SFMBT1: variants seen among roughly 807,000 people sequenced by gnomAD.
The protein encoded by SFMBT1 is scm-like with four MBT domains protein 1.
In SFMBT1, 32 loss-of-function variants were observed where a neutral mutation model predicts 108.7. The ratio of observed to expected loss-of-function variants is 0.29; its 90% confidence interval spans 0.22 to 0.40. The LOEUF (loss-of-function observed/expected upper bound fraction) is 0.40, where lower values mean the gene tolerates loss of function less well. SFMBT1 is among the 10% of genes least tolerant of loss of function. The pLI, the probability that SFMBT1 is intolerant of heterozygous loss-of-function variation, is 1.00. For missense variants in SFMBT1, 816 were observed against 1,059.6 expected (o/e 0.77, Z 3.19); for synonymous variants, 348 against 369.5 (o/e 0.94, Z 0.67).
At chr3:52,910,046 TC>T (rs1216394033) in intron 17 of SFMBT1, among the ~76,000 whole-genome samples, 1 of 152,072 alleles carries the variant, frequency 6.6e-6, no homozygotes, top group East Asian at 1.9e-4. Context: ...GGCTCCTGTT[TC>T]CTTCAAGGTG....
chr3:52,976,132 T>C (rs993490991), intron 1 of SFMBT1, among the ~76,000 whole-genome samples: 1 of 151,336 alleles, frequency 6.6e-6, no homozygotes, highest in Non-Finnish European at 1.5e-5. Context: ...CCAGACACAG[T>C]GGCTCATGCC....
intron 1 of SFMBT1, among the ~76,000 whole-genome samples, chr3:53,008,774 A>T (rs1290897265): frequency 6.6e-6 from 1 of 150,888 alleles, no homozygotes; most frequent in Non-Finnish European, 1.5e-5. Flanking sequence ...AGCTGGGACT[A>T]CAAGGCACCC....
chr3:52,911,212 T>C (rs529888582), intron 16 of SFMBT1, 34 bp from the exon 17 acceptor site: 1 of 1,553,666 alleles, frequency 6.4e-7, no homozygotes, highest in East Asian at 2.2e-5. Context: ...CCAAATATAT[T>C]GGGCTAATGA....
In SFMBT1 at chr3:52,930,982, T is replaced by C. The variant is rs1311282083; in HGVS notation, c.754A>G (p.Lys252Glu). The change falls in exon 7 of 21, where the codon AAA (lysine) becomes GAA (glutamate). Residue 252 changes from lysine (K) to glutamate (E), a missense_variant. Coordinates refer to ENST00000394752, the MANE Select transcript of SFMBT1 (RefSeq NM_016329.4). The part of the protein sequence containing the change: ...AEWQEILAKV[K>E]EEEEEPLPSY... ...GGTAATGGCTCTTCCTCTTCCTCTT[T>C]CACTTTGGCCAAAATCTCTTGCCAC... is the stretch of plus-strand genomic sequence containing the variant. 1 of 1,614,110 alleles carries C rather than the reference T, an allele frequency of 6.2e-7. No homozygotes were observed.
At chr3:53,018,499 A>G (rs898063872) in intron 1 of SFMBT1, among the ~76,000 whole-genome samples, 2 of 152,136 alleles carry the variant, frequency 1.3e-5, no homozygotes, top group Non-Finnish European at 2.9e-5. Context: ...TAACAGTCCC[A>G]TAAGATCAGC....
Position 52,933,266 on chromosome 3 carries a change from C to A in SFMBT1, c.454-958G>T, listed in dbSNP as rs542601007. On this transcript the variant is annotated intron_variant, in intron 5 of 20. Transcript: ENST00000394752. ...AAATGGGCAATAATTTATCCAGTTA[C>A]CTACAGATAGTATTTCAGTTGTTTC... Among the ~76,000 whole-genome samples, 60 of 152,246 alleles carry A rather than the reference C, an allele frequency of 3.9e-4. 2 individuals are homozygous for A. In the South Asian group the frequency reaches 0.012, roughly 31 times the overall value.
chr3:53,020,180 G>A (rs561274195), intron 1 of SFMBT1, among the ~76,000 whole-genome samples: 134 of 152,082 alleles, frequency 8.8e-4, no homozygotes, highest in Non-Finnish European at 1.8e-3. Flanking sequence ...CCTAAGGTCA[G>A]GAGTTCAAGA....
At chr3:52,946,162 T>C (rs1012181974) in intron 3 of SFMBT1, among the ~76,000 whole-genome samples, 11 of 152,194 alleles carry the variant, frequency 7.2e-5, no homozygotes, top group African/African-American at 2.7e-4. Context: ...ACATGCAATA[T>C]AGGCTCATCA....
chr3:52,913,611 A>G lies in SFMBT1; in HGVS notation c.1487T>C (p.Ile496Thr), dbSNP rs1350498920. The G allele has an allele frequency of 6.2e-7, 1 of 1,613,494 alleles. No homozygotes were observed. The change falls in exon 15 of 21, where the codon ATT becomes ACT. Residue 496 changes from isoleucine (I) to threonine (T), a missense_variant. Around this residue, in one of 5 missense-constraint regions of SFMBT1, gnomAD observed 495 missense variants for 607.4 expected, o/e 0.81. Coordinates refer to ENST00000394752, the MANE Select transcript of SFMBT1 (RefSeq NM_016329.4). ...QELNSTESVM[I>T]NGKYCCPKIY... Reference sequence around the variant, plus strand: ...CTTTGGACAGCAATATTTTCCATTAATCATAACTGGGAAATGAAGAAAAAC... The same window carrying G: ...CTTTGGACAGCAATATTTTCCATTAGTCATAACTGGGAAATGAAGAAAAAC...
intron 1 of SFMBT1, among the ~76,000 whole-genome samples, chr3:53,023,983 T>C (rs1699400715): frequency 6.6e-6 from 1 of 152,218 alleles, no homozygotes; most frequent in Non-Finnish European, 1.5e-5. Context: ...CCAGATGCTG[T>C]TCTAGGTACT....
intron 1 of SFMBT1, among the ~76,000 whole-genome samples, chr3:52,977,341 T>C (rs1474180825): frequency 1.3e-5 from 2 of 151,916 alleles, no homozygotes; most frequent in African/African-American, 2.4e-5. Flanking sequence ...AAACCCAGTT[T>C]CTACTAAAAA....
At chr3:52,990,184 C>T (rs1224534455) in intron 1 of SFMBT1, among the ~76,000 whole-genome samples, 3 of 152,176 alleles carry the variant, frequency 2.0e-5, no homozygotes, top group African/African-American at 7.2e-5. Context: ...GTAAAAATAA[C>T]TCAAAGCATA....
intron 2 of SFMBT1, among the ~76,000 whole-genome samples, chr3:52,962,236 GA>G (rs1703982971): frequency 1.3e-5 from 2 of 152,216 alleles, no homozygotes; most frequent in African/African-American, 4.8e-5. Context: ...CCACTTCTAG[GA>G]ATCTATCCCA....
At chr3:52,920,411 T>G in intron 12 of SFMBT1, 126 bp downstream of exon 12, 1 of 726,664 alleles carries the variant, frequency 1.4e-6, no homozygotes, top group Non-Finnish European at 2.4e-6. Flanking sequence ...AATAATTTCC[T>G]ATGCAGGAAC....
intron 1 of SFMBT1, among the ~76,000 whole-genome samples, chr3:52,992,994 G>A (rs1705190883): frequency 6.6e-6 from 1 of 152,134 alleles, no homozygotes; most frequent in Non-Finnish European, 1.5e-5. Context: ...TGGAGTCTCA[G>A]CACTCATTAT....
Position 52,932,326 on chromosome 3 carries a change from A to T in SFMBT1, c.454-18T>A. The T allele has an allele frequency of 6.2e-7, 1 of 1,600,452 alleles. No homozygotes were observed. The highest frequency in any genetic ancestry group is 1.1e-5 in the South Asian group (1 of 88,264). The stretch of plus-strand genomic sequence containing the variant: ...TTACGGAGCTGTAGGATTAAAAAGT[A>T]AAACAACCCAGTAAGAGAAATTAAC... On this transcript the variant is annotated intron_variant, in intron 5 of 20. Coordinates refer to ENST00000394752, the MANE Select transcript of SFMBT1 (RefSeq NM_016329.4).
At chr3:52,932,349 A>G in intron 5 of SFMBT1, 41 bp from the exon 6 acceptor site, 1 of 1,572,438 alleles carries the variant, frequency 6.4e-7, no homozygotes, top group Non-Finnish European at 8.6e-7. Flanking sequence ...AAGAGAAATT[A>G]ACATAATATT....
In SFMBT1 at chr3:52,993,326, T is replaced by C. The variant is rs1222646252; in HGVS notation, c.-130-24068A>G. Reference sequence around the variant, plus strand: ...CAAAGCTATTACATCTTATACATTATATTACACGTAAAAGTCCATTTTAAA... The same window carrying C: ...CAAAGCTATTACATCTTATACATTACATTACACGTAAAAGTCCATTTTAAA... On this transcript the variant is annotated intron_variant, in intron 1 of 20. Coordinates refer to ENST00000394752, the MANE Select transcript of SFMBT1 (RefSeq NM_016329.4). 2.1e-4 allele frequency among the ~76,000 whole-genome samples: 31 copies of C among 150,262 alleles called. 2 individuals are homozygous for C. In the Admixed American group the frequency reaches 2.1e-3, roughly 10 times the overall value.
intron 13 of SFMBT1, 96 bp from the exon 14 acceptor site, chr3:52,916,310 T>A (rs1047477868): frequency 5.3e-6 from 6 of 1,138,330 alleles, no homozygotes; most frequent in Non-Finnish European, 7.7e-6. Flanking sequence ...AAAGCAAATG[T>A]GGCATGTTCG....
Sources: allele counts gnomAD v4.1 joint callset (sites outside exome capture counted in the v4.1 genomes callset), GRCh38; gene constraint gnomAD v4.1.1; regional missense constraint gnomAD v4.1.1; transcripts MANE v1.5; gene names NCBI Gene and HGNC (gene_info 2026-07-23, HGNC 2026-07-21).